Variants in VWF observed in about 807,000 individuals in gnomAD.
VWF encodes the protein von Willebrand factor.
Under a neutral mutation model 308.6 loss-of-function variants are expected in VWF, and 176 were observed. The ratio of observed to expected loss-of-function variants is 0.57; its 90% CI spans 0.50 to 0.65. The LOEUF is 0.65. VWF is among the 30% of genes least tolerant of loss of function. The pLI, the probability that VWF is intolerant of heterozygous loss-of-function variation, is 0.00. For missense variants in VWF, 3,146 were observed against 3,648.2 expected, an observed-to-expected ratio of 0.86 and a Z score of 3.55; for synonymous variants, 1,385 against 1,443.4, an observed-to-expected ratio of 0.96 and a Z score of 0.92.
At chr12:6,068,475 C>CT (rs879314328) in intron 10 of VWF, among the ~76,000 whole-genome samples, 65 of 147,536 alleles carry the variant, frequency 4.4e-4, no homozygotes, top group South Asian at 8.6e-4. Context: ...AGATGCATTT[C>CT]TTTTTTTTTT....
intron 21 of VWF, among the ~76,000 whole-genome samples, chr12:6,031,182 G>A (rs894861888): frequency 2.0e-5 from 3 of 152,060 alleles, no homozygotes; most frequent in Admixed American, 1.3e-4. Flanking sequence ...TTCTTCCCAC[G>A]TTTGTGCAGA....
intron 6 of VWF, among the ~76,000 whole-genome samples, chr12:6,092,603 T>TAGTTAGTG (rs1555073670): frequency 1.1e-4 from 7 of 65,430 alleles, no homozygotes; most frequent in East Asian, 5.8e-4. Context: ...CCCAGCTAGT[T>TAGTTAGTG]AGTGAGTGAG....
At chr12:6,094,418 T>TA (rs901315010) in intron 6 of VWF, among the ~76,000 whole-genome samples, 3 of 152,248 alleles carry the variant, frequency 2.0e-5, no homozygotes, top group African/African-American at 7.2e-5. Context: ...AACAGCCACT[T>TA]AAGAAAGAAG....
At chr12:5,952,558 T>C (rs1417427477) in intron 48 of VWF, 39 bp from the exon 49 acceptor site, 14 of 1,608,372 alleles carry the variant, frequency 8.7e-6, no homozygotes, top group Non-Finnish European at 1.2e-5. Flanking sequence ...AGAGACAGTG[T>C]TTGGTTCACA....
At chr12:5,964,200 G>C (rs1398666212) in intron 47 of VWF, among the ~76,000 whole-genome samples, 2 of 123,988 alleles carry the variant, frequency 1.6e-5, no homozygotes, top group Non-Finnish European at 3.5e-5. Context: ...CTGGGCGACA[G>C]AGAGAGACTC....
chr12:6,049,835 T>C (rs1944488801), intron 16 of VWF, among the ~76,000 whole-genome samples: 1 of 152,222 alleles, frequency 6.6e-6, no homozygotes, highest in Non-Finnish European at 1.5e-5. Flanking sequence ...TTCATTTCCA[T>C]GATATGGCAC....
chr12:6,075,618 T>G lies in VWF; in HGVS notation c.658-67A>C. 1 of 1,541,732 alleles carries G rather than the reference T, an allele frequency of 6.5e-7. No homozygotes were observed. The highest frequency in any genetic ancestry group is 8.8e-7 in the Non-Finnish European group (1 of 1,134,534). On this transcript the variant is annotated intron_variant, in intron 6 of 51. Coordinates refer to ENST00000261405, the MANE Select transcript of VWF (RefSeq NM_000552.5). The surrounding 1 kb of genome is among the most constrained non-coding windows in gnomAD (Gnocchi z 4.7). ...GTCTCCCTGAGTGTGGCACTGAGACTTAGCCCTGCTAGGGAAACCAAGGCA... is the reference window on the plus strand; with the variant it reads ...GTCTCCCTGAGTGTGGCACTGAGACGTAGCCCTGCTAGGGAAACCAAGGCA...
chr12:6,013,351 T>C, intron 32 of VWF, 130 bp downstream of exon 32: 1 of 1,157,160 alleles, frequency 8.6e-7, no homozygotes, highest in South Asian at 1.2e-5. Context: ...GTCTATATAA[T>C]AATCTTCATT....
At chr12:6,119,496 CCT>C (rs1056493210) in intron 3 of VWF, among the ~76,000 whole-genome samples, 11 of 152,278 alleles carry the variant, frequency 7.2e-5, no homozygotes, top group South Asian at 2.1e-4. Context: ...AGCACCCTCC[CCT>C]GTCTTCTCTG....
At chr12:6,064,406 T>C (rs760730272) in intron 11 of VWF, 22 bp from the exon 12 acceptor site, 3 of 1,613,544 alleles carry the variant, frequency 1.9e-6, no homozygotes, top group Admixed American at 1.7e-5. Flanking sequence ...GAACACAGGG[T>C]GACTTTGCTG....
chr12:5,983,472 G>GATAC (rs1943633268), intron 40 of VWF, among the ~76,000 whole-genome samples: 2 of 147,490 alleles, frequency 1.4e-5, no homozygotes, highest in African/African-American at 4.9e-5. Context: ...TTGATAGATA[G>GATAC]ATAGATACAT....
Position 5,959,371 on chromosome 12 carries a change from TAGTC to T in VWF, c.7888-5781_7888-5778del, listed in dbSNP as rs551681037. ...GGAGAAATAGGCTAATCCACAATCT[TAGTC>T]AGTGATTTTTATGTTCTCTCAGTAA... On this transcript the variant is annotated intron_variant, in intron 47 of 51. Coordinates refer to ENST00000261405, the MANE Select transcript of VWF (RefSeq NM_000552.5). 3.1e-4 allele frequency among the ~76,000 whole-genome samples: 47 copies of T among 152,294 alleles called. 1 individual carries two copies. In the South Asian group the frequency reaches 9.8e-3, roughly 32 times the overall value.
Position 5,991,630 on chromosome 12 carries a change from C to T in VWF, c.6798+189G>A, listed in dbSNP as rs216896. Among the ~76,000 whole-genome samples the T allele has an allele frequency of 0.52, 79,058 of 152,064 alleles. 20,925 individuals carry two copies. Among genetic ancestry groups the T allele is most frequent in the East Asian group, 0.75 (3,870 of 5,178 alleles). On this transcript the variant is annotated intron_variant, in intron 38 of 51. Coordinates refer to ENST00000261405, the MANE Select transcript of VWF (RefSeq NM_000552.5). ...AATCCCACAGATAATACATGACAGA[C>T]GCAGGATTTGAACCAAGAGCTATCT...
intron 34 of VWF, among the ~76,000 whole-genome samples, chr12:5,997,616 T>C (rs1270995531): frequency 6.6e-6 from 1 of 152,224 alleles, no homozygotes; most frequent in African/African-American, 2.4e-5. Context: ...GCAATATAGA[T>C]GAAATGCCTA....
At chr12:6,090,973 C>G (rs57666371) in intron 6 of VWF, among the ~76,000 whole-genome samples, 17,929 of 152,226 alleles carry the variant, frequency 0.12, 1,558 homozygotes, top group African/African-American at 0.24. Flanking sequence ...GCACCCTCCC[C>G]TCACGTGCTA....
intron 3 of VWF, among the ~76,000 whole-genome samples, chr12:6,117,865 C>A (rs1037101480): frequency 2.0e-5 from 3 of 152,166 alleles, no homozygotes; most frequent in Admixed American, 1.3e-4. Context: ...CAACTGCCCT[C>A]GGAACACTCA....
intron 18 of VWF, among the ~76,000 whole-genome samples, chr12:6,042,071 G>T (rs1944402277): frequency 6.6e-6 from 1 of 152,202 alleles, no homozygotes; most frequent in Admixed American, 6.5e-5. Flanking sequence ...CAGGAATTCG[G>T]TGTCTACGTA....
chr12:6,091,413 T>C (rs544454899), intron 6 of VWF, among the ~76,000 whole-genome samples: 44 of 152,340 alleles, frequency 2.9e-4, no homozygotes, highest in Admixed American at 4.6e-4. Flanking sequence ...GTCTGGATTA[T>C]TGTGGAGGTC....
chr12:6,027,640 ACAAGCCAAGAATGCAGG>A (rs1034888450), intron 22 of VWF, among the ~76,000 whole-genome samples: 12 of 152,264 alleles, frequency 7.9e-5, no homozygotes, highest in Non-Finnish European at 1.5e-4. Flanking sequence ...GGATGGGGCC[ACAAGCCAAGAATGCAGG>A]CAGCCTCCGG....
Sources: gnomAD v4.1 joint callset for allele counts (sites outside exome capture counted in the v4.1 genomes callset) on GRCh38, gnomAD v4.1.1 for gene constraint, Gnocchi (gnomAD v3.1) non-coding constraint, MANE v1.5 for transcripts, NCBI Gene and HGNC (gene_info 2026-07-23, HGNC 2026-07-21) for gene names.